The following GUCY1A1 variants were observed in gnomAD, a reference collection of about 807,000 sequenced individuals.
GUCY1A1 encodes the protein guanylate cyclase soluble subunit alpha-1.
GUCY1A1 carries 48 observed loss-of-function variants against 64.5 expected under a neutral mutation model. The ratio of observed to expected loss-of-function variants is 0.74; its 90% CI spans 0.59 to 0.95. The LOEUF (loss-of-function observed/expected upper bound fraction) is 0.95. GUCY1A1 is among the 40% of genes least tolerant of loss of function. The probability of loss-of-function intolerance (pLI) is 0.00; values close to 1 mark genes in which losing one functional copy is unlikely to be tolerated. For synonymous variants in GUCY1A1, 308 were observed against 303.4 expected (o/e 1.02, Z -0.16); for missense variants, 804 against 825.3 (o/e 0.97, Z 0.32).
intron 8 of GUCY1A1, 76 bp from the exon 9 acceptor site, chr4:155,721,962 C>A: frequency 1.0e-6 from 1 of 996,140 alleles, no homozygotes; most frequent in Non-Finnish European, 1.6e-6. Context: ...ATAATTTAGA[C>A]GGTATTCAAA....
In GUCY1A1 at chr4:155,717,307, G is replaced by A. The variant is rs749823582; in HGVS notation, c.1716+5G>A. ...CCCCATGGAGAACCTATCAAGGTAA[G>A]GCAGATGATATATTGTCCAAAAGAT... On this transcript the variant is annotated splice_donor_5th_base_variant and intron_variant, in intron 8 of 9. Coordinates refer to ENST00000506455, the MANE Select transcript of GUCY1A1 (RefSeq NM_001130682.3). The A allele has an allele frequency of 6.4e-7, 1 of 1,557,994 alleles. No homozygotes were observed. The highest frequency in any genetic ancestry group is 8.7e-7 in the Non-Finnish European group (1 of 1,149,120).
intron 8 of GUCY1A1, among the ~76,000 whole-genome samples, chr4:155,719,131 G>A (rs894521445): frequency 1.3e-5 from 2 of 152,096 alleles, no homozygotes; most frequent in Non-Finnish European, 2.9e-5. Flanking sequence ...GTTATTTGCA[G>A]AAATGTATTT....
chr4:155,683,270 A>T (rs879359836), intron 2 of GUCY1A1, among the ~76,000 whole-genome samples: 1 of 152,214 alleles, frequency 6.6e-6, no homozygotes. Context: ...ATATAGGAAA[A>T]CAAAAAAAAT....
chr4:155,672,810 A>C (rs553471261), intron 2 of GUCY1A1, among the ~76,000 whole-genome samples: 2 of 152,350 alleles, frequency 1.3e-5, no homozygotes, highest in Non-Finnish European at 2.9e-5. Flanking sequence ...CAATATTTTT[A>C]AAGATGACTT....
chr4:155,705,425 TG>T (rs1378526253), intron 4 of GUCY1A1, among the ~76,000 whole-genome samples: 1 of 151,072 alleles, frequency 6.6e-6, no homozygotes, highest in Non-Finnish European at 1.5e-5. Flanking sequence ...GGCAGATGCC[TG>T]TAATCCCAGC....
At chr4:155,713,718 G>C in intron 7 of GUCY1A1, 135 bp downstream of exon 7, 2 of 839,900 alleles carry the variant, frequency 2.4e-6, no homozygotes, top group Non-Finnish European at 3.7e-6. Flanking sequence ...CTGGGAGCAG[G>C]TATGGTGCAT....
chr4:155,729,331 C>T (rs376917983), intron 9 of GUCY1A1, among the ~76,000 whole-genome samples: 33 of 151,828 alleles, frequency 2.2e-4, no homozygotes, highest in African/African-American at 7.5e-4. Flanking sequence ...ATGCCAATAG[C>T]TTAATCAGTA....
At position 155,732,049 on chromosome 4, in the gene GUCY1A1, AC is replaced by A. The variant is rs1345666387; in HGVS notation, c.*1819del. 1 of 151,770 alleles carries A rather than the reference AC, an allele frequency of 6.6e-6. No homozygotes were observed. The highest frequency in any genetic ancestry group is 2.4e-5 in the African/African-American group (1 of 41,374). 9.4% of individuals were successfully genotyped at this position (151,770 alleles called of 1,614,324 possible). A position where few individuals can be genotyped will look rare whatever the true frequency, so the allele number is the denominator to read the frequency against. ...AATACATTTTTCTTTCTGGAACCGA[AC>A]TCTTATTATGGGGAAATAATAGAAA... On this transcript the variant is annotated 3_prime_UTR_variant, in exon 10 of 10. Coordinates refer to ENST00000506455, the MANE Select transcript of GUCY1A1 (RefSeq NM_001130682.3).
intron 2 of GUCY1A1, among the ~76,000 whole-genome samples, chr4:155,678,477 T>A (rs1052819943): frequency 6.6e-6 from 1 of 152,224 alleles, no homozygotes; most frequent in Admixed American, 6.5e-5. Context: ...ATTCCAAGCA[T>A]TAATACAACT....
In GUCY1A1 at chr4:155,733,983, A is replaced by T. The variant is rs1275382462; in HGVS notation, c.*3752A>T. On this transcript the variant is annotated 3_prime_UTR_variant, in exon 10 of 10. Coordinates refer to ENST00000506455, the MANE Select transcript of GUCY1A1 (RefSeq NM_001130682.3). ...GCATTGGAATTTTATGTCACTCTCAAGGCTAATTAGTCTTTCAGATCCTTT... is the reference window on the plus strand; with the variant it reads ...GCATTGGAATTTTATGTCACTCTCATGGCTAATTAGTCTTTCAGATCCTTT... Among the ~76,000 whole-genome samples, 4 of 151,890 alleles carry T rather than the reference A, an allele frequency of 2.6e-5. No homozygotes were observed. The highest frequency in any genetic ancestry group is 5.9e-5 in the Non-Finnish European group (4 of 67,902).
At chr4:155,703,818 T>G (rs1441867968) in intron 3 of GUCY1A1, 114 bp from the exon 4 acceptor site, 1 of 673,260 alleles carries the variant, frequency 1.5e-6, no homozygotes, top group Non-Finnish European at 2.6e-6. Context: ...TTCAAGCAAT[T>G]GTATAATGTG....
intron 2 of GUCY1A1, among the ~76,000 whole-genome samples, chr4:155,695,065 TC>T (rs1730241700): frequency 6.6e-6 from 1 of 152,220 alleles, no homozygotes; most frequent in South Asian, 2.1e-4. Context: ...TTTTGTCCCT[TC>T]TTGAAGTTCC....
intron 2 of GUCY1A1, among the ~76,000 whole-genome samples, chr4:155,680,655 T>C (rs578053066): frequency 3.0e-4 from 45 of 152,308 alleles, no homozygotes; most frequent in African/African-American, 1.0e-3. Flanking sequence ...ATGTATTATA[T>C]ACTGTATTCT....
In GUCY1A1 at chr4:155,735,629, A is replaced by G. The variant is rs762927082; in HGVS notation, c.*5398A>G. On this transcript the variant is annotated 3_prime_UTR_variant, in exon 10 of 10. Coordinates refer to ENST00000506455, the MANE Select transcript of GUCY1A1 (RefSeq NM_001130682.3). ...ATTACTTGGCTGAAAATGACTTTGC[A>G]TAATGCCCAAATCTTGAAGTATCTG... 2 of 152,024 alleles carry G rather than the reference A, an allele frequency of 1.3e-5. No homozygotes were observed. Among genetic ancestry groups the G allele is most frequent in the Admixed American group, 6.6e-5 (1 of 15,230 alleles). 9.4% of individuals were successfully genotyped at this position (152,024 alleles called of 1,614,324 possible).
intron 9 of GUCY1A1, chr4:155,722,429 T>A: frequency 7.5e-7 from 1 of 1,333,456 alleles, no homozygotes; most frequent in Non-Finnish European, 9.6e-7. Flanking sequence ...AGATATTACA[T>A]AGTCTTCCAT....
chr4:155,714,322 C>T (rs1202089380), intron 7 of GUCY1A1, among the ~76,000 whole-genome samples: 1 of 152,132 alleles, frequency 6.6e-6, no homozygotes, highest in Non-Finnish European at 1.5e-5. Flanking sequence ...TCTTCATGAA[C>T]AGGATTGTTA....
At chr4:155,694,224 T>G (rs2126719669) in intron 2 of GUCY1A1, among the ~76,000 whole-genome samples, 1 of 152,304 alleles carries the variant, frequency 6.6e-6, no homozygotes, top group East Asian at 1.9e-4. Context: ...ATTACACTCT[T>G]TTTGATTACT....
At chr4:155,716,767 G>T (rs1733288241) in intron 7 of GUCY1A1, among the ~76,000 whole-genome samples, 1 of 151,966 alleles carries the variant, frequency 6.6e-6, no homozygotes, top group Non-Finnish European at 1.5e-5. Context: ...TTTATGATGA[G>T]GAGGATATAA....
chr4:155,727,770 A>AAAAAT (rs71600389), intron 9 of GUCY1A1, among the ~76,000 whole-genome samples: 5,720 of 151,680 alleles, frequency 0.038, 135 homozygotes, highest in Middle Eastern at 0.072. Flanking sequence ...TGTTTTATAA[A>AAAAAT]AAAATAAAAT....
Sources: allele counts gnomAD v4.1 joint callset (sites outside exome capture counted in the v4.1 genomes callset), GRCh38; gene constraint gnomAD v4.1.1; transcripts MANE v1.5; gene names NCBI Gene and HGNC (gene_info 2026-07-23, HGNC 2026-07-21).